KAZN: variants seen among roughly 807,000 people sequenced by gnomAD.
KAZN encodes the protein kazrin.
KAZN carries 40 observed loss-of-function variants against 87.4 expected under a neutral mutation model. That is an observed-to-expected ratio of 0.46 (90% CI 0.36 to 0.60). KAZN has a LOEUF of 0.60. Among genes scored for constraint, KAZN ranks in the 20% least tolerant of loss-of-function variants. The probability of loss-of-function intolerance (pLI) is 0.00; values close to 1 mark genes in which losing one functional copy is unlikely to be tolerated. For missense variants in KAZN, 898 were observed against 1,073.9 expected (o/e 0.84, Z 2.29); for synonymous variants, 466 against 458.3 (o/e 1.02, Z -0.22).
chr1:14,894,108 C>T (rs576183080), intron 1 of KAZN, among the ~76,000 whole-genome samples: 1 of 152,222 alleles, frequency 6.6e-6, no homozygotes, highest in East Asian at 1.9e-4. Context: ...CATCACAGTA[C>T]GTGAATCTAA....
chr1:14,670,537 G>C (rs1417981280), intron 1 of KAZN, among the ~76,000 whole-genome samples: 1 of 152,158 alleles, frequency 6.6e-6, no homozygotes, highest in East Asian at 1.9e-4. Flanking sequence ...TGGGGAGCAG[G>C]TGAAAGCCCC....
Position 14,239,875 on chromosome 1 carries a change from AT to A in KAZN, c.249+59286del, listed in dbSNP as rs1181914091. On this transcript the variant is annotated intron_variant, in intron 2 of 16. Transcript: ENST00000636203. ...GGTGGGAAGAGATGGTGCTGCTGGCATTTAATGGGTAGAGGCCAGTGACATT... is the reference window on the plus strand; with the variant it reads ...GGTGGGAAGAGATGGTGCTGCTGGCATTAATGGGTAGAGGCCAGTGACATT... Among the ~76,000 whole-genome samples, 4 of 152,214 alleles carry A rather than the reference AT, an allele frequency of 2.6e-5. No homozygotes were observed. The East Asian group carries it at 7.8e-4, about 30-fold the overall frequency.
chr1:15,063,758 C>T, intron 7 of KAZN, 136 bp downstream of exon 7: 2 of 718,652 alleles, frequency 2.8e-6, no homozygotes, highest in African/African-American at 1.7e-5. Flanking sequence ...CCGCTGAGCC[C>T]ACGTCCATAC....
intron 1 of KAZN, among the ~76,000 whole-genome samples, chr1:14,600,538 A>G (rs1228096227): frequency 6.6e-6 from 1 of 152,064 alleles, no homozygotes; most frequent in Non-Finnish European, 1.5e-5. Context: ...TTGGTAAGGA[A>G]GTAGCCATGA....
chr1:15,026,823 G>A (rs1671209967), intron 2 of KAZN, among the ~76,000 whole-genome samples: 1 of 152,236 alleles, frequency 6.6e-6, no homozygotes, highest in Non-Finnish European at 1.5e-5. Flanking sequence ...TACTTACATA[G>A]CATCTACATT....
Position 15,066,388 on chromosome 1 carries a change from C to T in KAZN, c.1222+635C>T. 1 of 984,472 alleles carries T rather than the reference C, an allele frequency of 1.0e-6. No homozygotes were observed. 61.0% of individuals were successfully genotyped at this position (984,472 alleles called of 1,614,324 possible). ...GACCAGACCCTGTCCTGGGGGTGCG[C>T]CCAAGTCACTTTAACCACAAAACGC... On this transcript the variant is annotated intron_variant, in intron 8 of 14. Coordinates refer to ENST00000376030, the MANE Select transcript of KAZN (RefSeq NM_201628.3). This position sits in a 1 kb window ranked among gnomAD's most constrained non-coding sequence, Gnocchi z 4.3.
chr1:15,079,411 A>T (rs1000314), intron 8 of KAZN, among the ~76,000 whole-genome samples: 1 of 152,040 alleles, frequency 6.6e-6, no homozygotes, highest in Non-Finnish European at 1.5e-5. Flanking sequence ...TGGACACAAG[A>T]TGAAGGACCT....
At chr1:13,957,965 C>G (rs12043211) in intron 1 of KAZN, among the ~76,000 whole-genome samples, 1 of 152,008 alleles carries the variant, frequency 6.6e-6, no homozygotes, top group African/African-American at 2.4e-5. Flanking sequence ...GAACAGGAAA[C>G]GGAACAGGGA....
chr1:14,297,485 A>G lies in KAZN; in HGVS notation c.249+116893A>G, dbSNP rs141650044. ...GCGGTAGAGACAGGCAAAGGAGAAG[A>G]GGGCTGAGAGTGATTTGGGAGAGCC... On this transcript the variant is annotated intron_variant, in intron 2 of 16. Coordinates refer to the KAZN transcript ENST00000636203. 5.3e-5 allele frequency among the ~76,000 whole-genome samples: 8 copies of G among 152,246 alleles called. No individual in the cohort carries two copies. The East Asian group carries it at 1.4e-3, about 26-fold the overall frequency.
At chr1:14,186,857 C>T (rs1646318221) in intron 2 of KAZN, among the ~76,000 whole-genome samples, 1 of 152,106 alleles carries the variant, frequency 6.6e-6, no homozygotes, top group Admixed American at 6.5e-5. Context: ...AGGGACAGAA[C>T]TTTACCCCTA....
chr1:14,161,261 T>A (rs1324937580), intron 1 of KAZN, among the ~76,000 whole-genome samples: 3 of 152,206 alleles, frequency 2.0e-5, no homozygotes, highest in African/African-American at 2.4e-5. Flanking sequence ...GATCCTTATC[T>A]CACAATGTCT....
intron 1 of KAZN, among the ~76,000 whole-genome samples, chr1:14,827,039 G>A (rs965924438): frequency 1.3e-5 from 2 of 152,172 alleles, no homozygotes; most frequent in Non-Finnish European, 2.9e-5. Flanking sequence ...CAGATGATGT[G>A]CGGGAGGCTG....
intron 1 of KAZN, among the ~76,000 whole-genome samples, chr1:14,718,538 C>G (rs1223852198): frequency 1.3e-5 from 2 of 152,210 alleles, no homozygotes; most frequent in Non-Finnish European, 2.9e-5. Flanking sequence ...ATAATTTTCT[C>G]TGAATTATGT....
At chr1:14,143,480 A>C (rs1645283435) in intron 1 of KAZN, among the ~76,000 whole-genome samples, 1 of 152,208 alleles carries the variant, frequency 6.6e-6, no homozygotes, top group South Asian at 2.1e-4. Flanking sequence ...GTAAGGGTTT[A>C]GATCTTGTAT....
At chr1:14,869,267 A>ATT (rs5772604) in intron 1 of KAZN, among the ~76,000 whole-genome samples, 17 of 151,716 alleles carry the variant, frequency 1.1e-4, no homozygotes, top group Non-Finnish European at 1.8e-4. Flanking sequence ...GGTTCTGAGG[A>ATT]TTTTTTCTCA....
chr1:14,338,530 GAA>G (rs996319946), intron 2 of KAZN, among the ~76,000 whole-genome samples: 4 of 149,128 alleles, frequency 2.7e-5, no homozygotes, highest in African/African-American at 9.9e-5. Context: ...GTGAGAGAGA[GAA>G]AAGAAAACAT....
chr1:14,977,681 T>C (rs1460106058), intron 2 of KAZN, among the ~76,000 whole-genome samples: 2 of 152,186 alleles, frequency 1.3e-5, no homozygotes, highest in Non-Finnish European at 2.9e-5. Flanking sequence ...TGCGGGAGAC[T>C]CACTTCCTTC....
chr1:14,948,261 A>G (rs566350559), intron 1 of KAZN, among the ~76,000 whole-genome samples: 2 of 152,232 alleles, frequency 1.3e-5, no homozygotes, highest in Non-Finnish European at 2.9e-5. Flanking sequence ...CAGGGATAGG[A>G]TCTGGCTTCA....
intron 1 of KAZN, among the ~76,000 whole-genome samples, chr1:14,695,510 C>CTTTTTTTTTTTGTTTTTTTTTTT (rs1641546270): frequency 1.2e-5 from 1 of 85,046 alleles, no homozygotes; most frequent in African/African-American, 3.6e-5. Context: ...TACATTCCAT[C>CTTTTTTTTTTTGTTTTTTTTTTT]TTTTTTTTTT....
Sources: allele counts gnomAD v4.1 joint callset (sites outside exome capture counted in the v4.1 genomes callset), GRCh38; gene constraint gnomAD v4.1.1; non-coding constraint Gnocchi (gnomAD v3.1); transcripts MANE v1.5; gene names NCBI Gene and HGNC (gene_info 2026-07-23, HGNC 2026-07-21).